The following AQP1 variants were observed in gnomAD, a reference collection of about 807,000 sequenced individuals.
The protein encoded by AQP1 is aquaporin-1.
In AQP1, 11 loss-of-function variants were observed where a neutral mutation model predicts 19.7. The observed-to-expected ratio is 0.56, with a 90% CI of 0.35 to 0.92. The LOEUF is 0.92. Among genes scored for constraint, AQP1 ranks in the 40% least tolerant of loss-of-function variants. AQP1 has a pLI of 0.01. For missense variants in AQP1, 320 were observed against 369.7 expected (o/e 0.87, Z 1.10); for synonymous variants, 159 against 166.7 (o/e 0.95, Z 0.36).
At chr7:30,921,396 G>T in intron 1 of AQP1, 1 of 1,416,554 alleles carries the variant, frequency 7.1e-7, no homozygotes. Flanking sequence ...CAGTGGGGAG[G>T]AAGAAGAGAG....
chr7:30,913,996 G>T (rs1308585792), intron 1 of AQP1, among the ~76,000 whole-genome samples: 1 of 152,116 alleles, frequency 6.6e-6, no homozygotes, highest in Non-Finnish European at 1.5e-5. Context: ...AGGCTTTCTG[G>T]CCCCGTCTCT....
chr7:30,919,387 T>C (rs17159702), intron 1 of AQP1, among the ~76,000 whole-genome samples: 62,919 of 151,998 alleles, frequency 0.41, 15,333 homozygotes, highest in African/African-American at 0.69. Context: ...CCTTGAGTAG[T>C]GGGCTTACAA....
At chr7:30,917,136 GAC>G (rs1004114129) in intron 1 of AQP1, among the ~76,000 whole-genome samples, 1 of 152,224 alleles carries the variant, frequency 6.6e-6, no homozygotes, top group African/African-American at 2.4e-5. Flanking sequence ...GAGGCGTGGA[GAC>G]TTGTCAAGGT....
chr7:30,916,393 C>T (rs1046376457), intron 1 of AQP1, among the ~76,000 whole-genome samples: 1 of 152,270 alleles, frequency 6.6e-6, no homozygotes, highest in African/African-American at 2.4e-5. Context: ...GGCCATGGCC[C>T]TTACCTTCTG....
intron 1 of AQP1, among the ~76,000 whole-genome samples, chr7:30,916,376 C>A (rs1345904261): frequency 6.6e-6 from 1 of 152,264 alleles, no homozygotes; most frequent in African/African-American, 2.4e-5. Flanking sequence ...GGCCCCCACC[C>A]AGCAGGGGCC....
At chr7:30,921,234 C>T (rs1791490051) in intron 1 of AQP1, 2 of 1,116,846 alleles carry the variant, frequency 1.8e-6, no homozygotes, top group South Asian at 3.6e-5. Context: ...GGGGCAGCTG[C>T]ATGGGGAGGG....
At position 30,912,346 on chromosome 7, in the gene AQP1, A is replaced by C; in HGVS notation, c.384+53A>C. The C allele has an allele frequency of 6.3e-7, 1 of 1,582,378 alleles. No individual in the cohort carries two copies. Among genetic ancestry groups the C allele is most frequent in the East Asian group, 2.2e-5 (1 of 44,608 alleles). On this transcript the variant is annotated intron_variant, in intron 1 of 3. Coordinates refer to ENST00000311813, the MANE Select transcript of AQP1 (RefSeq NM_198098.4). This position sits in a 1 kb window ranked among gnomAD's most constrained non-coding sequence, Gnocchi z 4.3. ...GGGTTCTAGAATGATGCTGAAAGGC[A>C]CTGGTTCCATCCTCTGCCCATTGTG...
rs1791610276 is a variant in AQP1, at chr7:30,924,027, G to T, written c.*398G>T. On this transcript the variant is annotated 3_prime_UTR_variant, in exon 4 of 4. Coordinates refer to ENST00000311813, the MANE Select transcript of AQP1 (RefSeq NM_198098.4). ...TACCGTAATTGCTTTGTGCCTTTGG[G>T]CACGGCCCTCCTTCTTTTCCTAACA... 7.6e-7 allele frequency: 1 copy of T among 1,316,836 alleles called. No homozygotes were observed. Among genetic ancestry groups the T allele is most frequent in the South Asian group, 1.2e-5 (1 of 81,330 alleles). The allele number at this position is 1,316,836 out of a possible 1,614,324, so 81.6% of individuals were successfully genotyped here.
intron 1 of AQP1, among the ~76,000 whole-genome samples, chr7:30,913,949 G>T (rs1259097724): frequency 1.3e-5 from 2 of 152,172 alleles, no homozygotes; most frequent in Non-Finnish European, 2.9e-5. Flanking sequence ...ATGATGGGCT[G>T]GGGGAGCGTC....
chr7:30,913,601 G>A (rs866785285), intron 1 of AQP1, among the ~76,000 whole-genome samples: 7 of 152,114 alleles, frequency 4.6e-5, no homozygotes, highest in Non-Finnish European at 1.0e-4. Context: ...CAGATCCTGC[G>A]GCTGGCAGCC....
rs1034325680 is a variant in AQP1, at chr7:30,924,873, C to A, written c.*1244C>A. ...AGGCTTGCTGTATGACCCCTGGCCACAGCCTTCCCTCTGCATTGACCTGGA... is the reference window on the plus strand; with the variant it reads ...AGGCTTGCTGTATGACCCCTGGCCAAAGCCTTCCCTCTGCATTGACCTGGA... On this transcript the variant is annotated 3_prime_UTR_variant, in exon 4 of 4. Transcript: ENST00000311813. 6.6e-6 allele frequency: 1 copy of A among 152,300 alleles called. No homozygotes were observed. The highest frequency in any genetic ancestry group is 1.5e-5 in the Non-Finnish European group (1 of 68,090). The allele number at this position is 152,300 out of a possible 1,614,324, so 9.4% of individuals were successfully genotyped here.
rs1405120016 is a variant in AQP1 at position 30,921,757 on chromosome 7, C to T, written c.385-309C>T. ...TCTTGGTACCCCAGAATACCCTGGC[C>T]TGGATGCAGCTGGATGCAAAGGCCC... On this transcript the variant is annotated intron_variant, in intron 1 of 3. Coordinates refer to ENST00000311813, the MANE Select transcript of AQP1 (RefSeq NM_198098.4). 7 of 1,550,558 alleles carry T rather than the reference C, an allele frequency of 4.5e-6. No individual in the cohort carries two copies. The East Asian group carries it at 7.3e-5, about 16-fold the overall frequency.
intron 3 of AQP1, 85 bp downstream of exon 3, chr7:30,922,729 C>A: frequency 1.5e-6 from 2 of 1,348,446 alleles, no homozygotes; most frequent in Non-Finnish European, 2.1e-6. Context: ...CCTTCCTGTT[C>A]TGGAGGCTCT....
Position 30,912,739 on chromosome 7 carries a change from T to A in AQP1, c.384+446T>A, listed in dbSNP as rs1379441803. Among the ~76,000 whole-genome samples the A allele has an allele frequency of 2.0e-5, 3 of 152,202 alleles. No homozygotes were observed. The highest frequency in any genetic ancestry group is 4.4e-5 in the Non-Finnish European group (3 of 68,034). On this transcript the variant is annotated intron_variant, in intron 1 of 3. Transcript: ENST00000311813. This position sits in a 1 kb window ranked among gnomAD's most constrained non-coding sequence, Gnocchi z 4.3. ...GCCTGTCTGCAGCTGGCTCTGCAAGTGTGTGAGCAGGACTCCCTCAGGGAG... is the reference window on the plus strand; with the variant it reads ...GCCTGTCTGCAGCTGGCTCTGCAAGAGTGTGAGCAGGACTCCCTCAGGGAG...
intron 1 of AQP1, among the ~76,000 whole-genome samples, chr7:30,920,266 G>T (rs956170330): frequency 6.6e-6 from 1 of 152,150 alleles, no homozygotes; most frequent in South Asian, 2.1e-4. Context: ...ACCCTGGAGA[G>T]CAGAAGAGAG....
chr7:30,915,578 C>A (rs1040700538), intron 1 of AQP1, among the ~76,000 whole-genome samples: 1 of 151,894 alleles, frequency 6.6e-6, no homozygotes, highest in South Asian at 2.1e-4. Context: ...GCTCAGGATT[C>A]GGGCCAGGGG....
At chr7:30,915,299 GCCAGTGC>G (rs1266434997) in intron 1 of AQP1, among the ~76,000 whole-genome samples, 1 of 152,144 alleles carries the variant, frequency 6.6e-6, no homozygotes, top group Non-Finnish European at 1.5e-5. Context: ...GTCAAGATAA[GCCAGTGC>G]CCAGCTGCCT....
Position 30,923,947 on chromosome 7 carries a change from TC to T in AQP1, c.*324del. 2.1e-6 allele frequency: 3 copies of T among 1,418,678 alleles called. No homozygotes were observed. The highest frequency in any genetic ancestry group is 1.9e-6 in the Non-Finnish European group (2 of 1,066,344). The allele number at this position is 1,418,678 out of a possible 1,614,324, so 87.9% of individuals were successfully genotyped here. ...GCATGATGGGAGGTGTGCCAGAAAG[TC>T]CCCCCTCGCCCCAAAGTTGCTCACC... On this transcript the variant is annotated 3_prime_UTR_variant, in exon 4 of 4. Transcript: ENST00000311813. This position sits in a 1 kb window ranked among gnomAD's most constrained non-coding sequence, Gnocchi z 4.8.
rs559991992 is a variant in AQP1, at chr7:30,912,886, T to C, written c.384+593T>C. 3.3e-5 allele frequency among the ~76,000 whole-genome samples: 5 copies of C among 152,258 alleles called. No individual in the cohort carries two copies. The highest frequency in any genetic ancestry group is 1.2e-4 in the African/African-American group (5 of 41,554). On this transcript the variant is annotated intron_variant, in intron 1 of 3. Transcript: ENST00000311813. The surrounding 1 kb of genome is among the most constrained non-coding windows in gnomAD (Gnocchi z 4.3). ...AGGGAGTGAAAACACTCTCTGGGGC[T>C]GTTTGAAGGCAGTTTTCCTGGATTA...
Sources: gnomAD v4.1 joint callset for allele counts (sites outside exome capture counted in the v4.1 genomes callset) on GRCh38, gnomAD v4.1.1 for gene constraint, Gnocchi (gnomAD v3.1) non-coding constraint, MANE v1.5 for transcripts, NCBI Gene and HGNC (gene_info 2026-07-23, HGNC 2026-07-21) for gene names.